Variants in ZNF385C observed in about 807,000 individuals in gnomAD.
The protein encoded by ZNF385C is CTD-2132N18.2.
A neutral mutation model predicts 35.4 loss-of-function variants in ZNF385C; 28 were observed. That is an observed-to-expected ratio of 0.79 (90% CI 0.59 to 1.08). ZNF385C has a LOEUF of 1.08. Ranked by LOEUF, ZNF385C falls within the 50% of genes least tolerant of loss-of-function variation. ZNF385C has a pLI of 0.00. For synonymous variants in ZNF385C, 248 were observed against 248.2 expected (o/e 1.00, Z 0.01); for missense variants, 605 against 595.6 (o/e 1.02, Z -0.16).
chr17:42,074,258 T>C (rs1555659065), intron 1 of ZNF385C, among the ~76,000 whole-genome samples: 1 of 152,236 alleles, frequency 6.6e-6, no homozygotes, highest in African/African-American at 2.4e-5. Context: ...GCATACTTAA[T>C]AGATGCTCAA....
chr17:42,027,634 G>A lies in ZNF385C; in HGVS notation c.1259C>T (p.Ala420Val), dbSNP rs782002065. The A allele has an allele frequency of 4.2e-6, 6 of 1,435,460 alleles. No homozygotes were observed. Among genetic ancestry groups the A allele is most frequent in the Admixed American group, 2.0e-5 (1 of 48,932 alleles). 88.9% of individuals were successfully genotyped at this position (1,435,460 alleles called of 1,614,324 possible). A position where few individuals can be genotyped will look rare whatever the true frequency, so the allele number is the denominator to read the frequency against. ...GACAGATACCTTGAGGATACTCACA[G>A]CCAGCGCTGCGTGCTTCTGCAGCTT... The part of the protein sequence containing the change: ...HSKLQKHAAL[A>V]VSILKSKLAL... The change falls in exon 8 of 9, where the codon GCT becomes GTT. Residue 420 changes from alanine (A) to valine (V), a missense_variant. Ala to Val is a moderately conservative substitution (Grantham distance 64). Transcript: ENST00000692273.
rs781885377 is a variant in ZNF385C at position 42,027,140 on chromosome 17, G to A, written c.1276-7C>T. ...TCTGCAAGGCCAGTTTAGACTACACGGAAAAGAAAGGAATGGACACAGTCT... is the reference window on the plus strand; with the variant it reads ...TCTGCAAGGCCAGTTTAGACTACACAGAAAAGAAAGGAATGGACACAGTCT... On this transcript the variant is annotated splice_region_variant and splice_polypyrimidine_tract_variant and intron_variant, in intron 8 of 8. Transcript: ENST00000692273. 13 of 1,611,870 alleles carry A rather than the reference G, an allele frequency of 8.1e-6. No homozygotes were observed. In the Admixed American group the frequency reaches 1.0e-4, roughly 12 times the overall value.
At chr17:42,036,423 T>C (rs1380853830) in intron 3 of ZNF385C, among the ~76,000 whole-genome samples, 4 of 151,808 alleles carry the variant, frequency 2.6e-5, no homozygotes, top group African/African-American at 9.7e-5. Context: ...CTGGGCGTGG[T>C]GGCTCACACC....
At chr17:42,089,585 A>G (rs1039049565) in intron 1 of ZNF385C, among the ~76,000 whole-genome samples, 2 of 152,228 alleles carry the variant, frequency 1.3e-5, no homozygotes, top group African/African-American at 2.4e-5. Flanking sequence ...AGAAATGGAT[A>G]TAAGAAAACT....
intron 2 of ZNF385C, chr17:42,062,330 C>T (rs2053474673): frequency 6.5e-6 from 1 of 154,320 alleles, no homozygotes; most frequent in Admixed American, 6.5e-5. Flanking sequence ...AGCAGAAATC[C>T]TGGCCAGGAG....
chr17:42,079,823 A>C (rs2053729828), intron 1 of ZNF385C, among the ~76,000 whole-genome samples: 1 of 146,438 alleles, frequency 6.8e-6, no homozygotes, highest in South Asian at 2.1e-4. Context: ...CTAATGGAGC[A>C]AAAAAAAAGA....
intron 1 of ZNF385C, among the ~76,000 whole-genome samples, chr17:42,071,406 T>C (rs2053622139): frequency 1.3e-5 from 2 of 152,052 alleles, no homozygotes; most frequent in African/African-American, 2.4e-5. Context: ...TGGTCTGCTC[T>C]GTCCTCACCC....
At chr17:42,056,160 G>A (rs1555657544) in intron 2 of ZNF385C, among the ~76,000 whole-genome samples, 1 of 152,212 alleles carries the variant, frequency 6.6e-6, no homozygotes, top group Non-Finnish European at 1.5e-5. Context: ...CATGGGGCAG[G>A]CCCACTCTGA....
At chr17:42,033,098 C>T (rs528437416) in intron 4 of ZNF385C, among the ~76,000 whole-genome samples, 4 of 152,304 alleles carry the variant, frequency 2.6e-5, no homozygotes, top group African/African-American at 9.6e-5. Flanking sequence ...TGTCAGTGTC[C>T]TCCCTCCAAG....
chr17:42,074,146 T>C (rs2053660908), intron 1 of ZNF385C, among the ~76,000 whole-genome samples: 1 of 152,222 alleles, frequency 6.6e-6, no homozygotes, highest in South Asian at 2.1e-4. Context: ...TCTTAGGGTA[T>C]CTCTCAGGTT....
intron 1 of ZNF385C, among the ~76,000 whole-genome samples, chr17:42,069,234 C>T (rs1287855846): frequency 2.1e-5 from 3 of 144,350 alleles, no homozygotes; most frequent in South Asian, 2.2e-4. Flanking sequence ...TTCTGTCTGC[C>T]TGTCTGCCTG....
At chr17:42,072,854 C>T (rs1351180504) in intron 1 of ZNF385C, among the ~76,000 whole-genome samples, 1 of 152,174 alleles carries the variant, frequency 6.6e-6, no homozygotes, top group Admixed American at 6.5e-5. Flanking sequence ...AGTATCCCGC[C>T]TACCCCGGCT....
chr17:42,037,606 C>T, intron 3 of ZNF385C, 131 bp downstream of exon 3: 1 of 1,151,716 alleles, frequency 8.7e-7, no homozygotes, highest in South Asian at 1.8e-5. Context: ...GAGCACCTAT[C>T]CCCTCTGGGG....
chr17:42,064,068 GCACATACACACACA>G (rs1391535823), intron 1 of ZNF385C, among the ~76,000 whole-genome samples: 1 of 59,488 alleles, frequency 1.7e-5, no homozygotes, highest in African/African-American at 4.9e-5. Context: ...GCGCGCACAC[GCACATACACACACA>G]CACACACACA....
intron 2 of ZNF385C, chr17:42,039,512 A>T: frequency 3.3e-5 from 13 of 389,338 alleles, no homozygotes; most frequent in Non-Finnish European, 5.2e-5. Flanking sequence ...GCCCCTCTTG[A>T]GCCAGTCCCT....
intron 1 of ZNF385C, among the ~76,000 whole-genome samples, chr17:42,083,013 G>T (rs1281160985): frequency 6.6e-6 from 1 of 151,922 alleles, no homozygotes; most frequent in Non-Finnish European, 1.5e-5. Context: ...GGAGGTGGAG[G>T]TTGCAGTGAG....
At chr17:42,091,552 C>T (rs1226053334) in intron 1 of ZNF385C, among the ~76,000 whole-genome samples, 1 of 152,228 alleles carries the variant, frequency 6.6e-6, no homozygotes, top group East Asian at 1.9e-4. Flanking sequence ...GCTCCCCCTC[C>T]ACCCCTTCAT....
At chr17:42,087,174 A>G (rs1555660202) in intron 1 of ZNF385C, among the ~76,000 whole-genome samples, 1 of 152,222 alleles carries the variant, frequency 6.6e-6, no homozygotes, top group Non-Finnish European at 1.5e-5. Flanking sequence ...ATATCCTTGT[A>G]ATAGCCCTAT....
chr17:42,077,132 A>G (rs1555659327), intron 1 of ZNF385C, among the ~76,000 whole-genome samples: 2 of 152,188 alleles, frequency 1.3e-5, no homozygotes, highest in East Asian at 1.9e-4. Flanking sequence ...ACAAAGACAT[A>G]TTGCTGGATT....
Sources: allele counts gnomAD v4.1 joint callset (sites outside exome capture counted in the v4.1 genomes callset), GRCh38; gene constraint gnomAD v4.1.1; transcripts MANE v1.5; gene names NCBI Gene and HGNC (gene_info 2026-07-23, HGNC 2026-07-21).